RSU1: variants seen among roughly 807,000 people sequenced by gnomAD.
The protein encoded by RSU1 is rsu-1.
A neutral mutation model predicts 31.1 loss-of-function variants in RSU1; 26 were observed. That is an observed-to-expected ratio of 0.84 (90% CI 0.61 to 1.16). RSU1 has a LOEUF of 1.16. Ranked by LOEUF, RSU1 falls within the 50% of genes most tolerant of loss-of-function variation. The pLI, the probability that RSU1 is intolerant of heterozygous loss-of-function variation, is 0.00. For synonymous variants in RSU1, 164 were observed against 136.3 expected (o/e 1.20, Z -1.41); for missense variants, 320 against 339.1 (o/e 0.94, Z 0.44).
intron 8 of RSU1, among the ~76,000 whole-genome samples, chr10:16,595,136 T>C (rs1382873145): frequency 6.6e-6 from 1 of 152,104 alleles, no homozygotes; most frequent in African/African-American, 2.4e-5. Context: ...AGGCTGGTGT[T>C]ACACTCCTGG....
chr10:16,711,489 T>TA (rs1836018575), intron 7 of RSU1, among the ~76,000 whole-genome samples: 1 of 152,312 alleles, frequency 6.6e-6, no homozygotes, highest in East Asian at 1.9e-4. Flanking sequence ...GGTTGTTCAT[T>TA]AAAAATCTCT....
chr10:16,756,757 TTGTGTTGCTCCCGCAACCCA>T (rs1406758739), intron 4 of RSU1, among the ~76,000 whole-genome samples: 1 of 152,214 alleles, frequency 6.6e-6, no homozygotes. Context: ...GCATGAGTCA[TTGTGTTGCTCCCGCAACCCA>T]TGTGTTGCTC....
At chr10:16,771,977 G>A (rs1188454221) in intron 3 of RSU1, among the ~76,000 whole-genome samples, 6 of 152,150 alleles carry the variant, frequency 3.9e-5, no homozygotes, top group Non-Finnish European at 7.4e-5. Context: ...TGTACTTTTG[G>A]TTAATAAACA....
intron 7 of RSU1, among the ~76,000 whole-genome samples, chr10:16,738,754 C>T (rs1245451356): frequency 2.0e-5 from 3 of 152,128 alleles, no homozygotes; most frequent in East Asian, 1.9e-4. Context: ...AGGTTTGTTA[C>T]GTACATATAC....
At chr10:16,801,347 T>A (rs1293803409) in intron 2 of RSU1, among the ~76,000 whole-genome samples, 1 of 152,124 alleles carries the variant, frequency 6.6e-6, no homozygotes, top group Non-Finnish European at 1.5e-5. Context: ...GACACAGCAA[T>A]CCTTAATGTG....
At chr10:16,695,521 C>G (rs1383217623) in intron 7 of RSU1, among the ~76,000 whole-genome samples, 1 of 152,114 alleles carries the variant, frequency 6.6e-6, no homozygotes, top group Non-Finnish European at 1.5e-5. Flanking sequence ...ATGCCTTGTC[C>G]TGGCTGATCT....
chr10:16,761,417 C>T (rs71493268), intron 4 of RSU1, among the ~76,000 whole-genome samples: 6,325 of 152,242 alleles, frequency 0.042, 193 homozygotes, highest in Non-Finnish European at 0.06. Context: ...TTGGTAAATC[C>T]TCATTCACTG....
chr10:16,789,079 C>T (rs1837858737), intron 2 of RSU1, among the ~76,000 whole-genome samples: 1 of 152,202 alleles, frequency 6.6e-6, no homozygotes, highest in South Asian at 2.1e-4. Flanking sequence ...CAAAAAAGTG[C>T]AAAGTTCACA....
chr10:16,673,281 T>A (rs568779305), intron 8 of RSU1, among the ~76,000 whole-genome samples: 57 of 152,326 alleles, frequency 3.7e-4, no homozygotes, highest in Middle Eastern at 3.4e-3. Context: ...CTGTTTCTCT[T>A]TTGTATAGCA....
intron 8 of RSU1, among the ~76,000 whole-genome samples, chr10:16,634,186 A>G (rs1362705664): frequency 2.0e-5 from 3 of 152,154 alleles, no homozygotes; most frequent in Non-Finnish European, 4.4e-5. Context: ...ACATTTACAG[A>G]CCAGAGCTAG....
intron 8 of RSU1, among the ~76,000 whole-genome samples, chr10:16,643,037 T>C (rs985896405): frequency 1.3e-5 from 2 of 152,226 alleles, no homozygotes; most frequent in East Asian, 1.9e-4. Context: ...AAAAAATTAA[T>C]ATTTTCATAA....
At chr10:16,713,162 G>A (rs1836057976) in intron 7 of RSU1, among the ~76,000 whole-genome samples, 1 of 152,172 alleles carries the variant, frequency 6.6e-6, no homozygotes, top group Non-Finnish European at 1.5e-5. Context: ...ACTTTTGAGA[G>A]TATGATTATA....
At chr10:16,737,576 G>T (rs977943046) in intron 7 of RSU1, among the ~76,000 whole-genome samples, 2 of 151,586 alleles carry the variant, frequency 1.3e-5, no homozygotes, top group Non-Finnish European at 2.9e-5. Flanking sequence ...TGACCAAAAA[G>T]AACTGTACTA....
chr10:16,786,620 G>C (rs956510938), intron 2 of RSU1, among the ~76,000 whole-genome samples: 1 of 151,972 alleles, frequency 6.6e-6, no homozygotes, highest in African/African-American at 2.4e-5. Context: ...CCTAACACCT[G>C]TACTGATTTC....
At chr10:16,746,923 C>G (rs1388290180) in intron 7 of RSU1, among the ~76,000 whole-genome samples, 4 of 152,092 alleles carry the variant, frequency 2.6e-5, no homozygotes, top group Non-Finnish European at 5.9e-5. Context: ...CAGGCAGGCT[C>G]CGGAGGATAT....
chr10:16,744,106 G>T (rs973658872), intron 7 of RSU1, among the ~76,000 whole-genome samples: 2 of 151,058 alleles, frequency 1.3e-5, no homozygotes, highest in African/African-American at 4.9e-5. Flanking sequence ...AGCCAGTCTG[G>T]GTGACACAGA....
At chr10:16,678,701 G>C (rs1302001395) in intron 8 of RSU1, among the ~76,000 whole-genome samples, 1 of 151,996 alleles carries the variant, frequency 6.6e-6, no homozygotes, top group Non-Finnish European at 1.5e-5. Context: ...GTGAAAATAG[G>C]ACATTCAATA....
chr10:16,729,019 A>G (rs1259186139), intron 7 of RSU1, among the ~76,000 whole-genome samples: 2 of 152,228 alleles, frequency 1.3e-5, no homozygotes, highest in African/African-American at 4.8e-5. Context: ...GTTTGTGCTC[A>G]TTGTTTATAG....
intron 4 of RSU1, among the ~76,000 whole-genome samples, chr10:16,761,906 C>T (rs183831353): frequency 3.0e-4 from 45 of 152,150 alleles, no homozygotes; most frequent in African/African-American, 1.0e-3. Flanking sequence ...GAGATGCCTT[C>T]CTTCAACTTG....
Sources: allele counts gnomAD v4.1 joint callset (sites outside exome capture counted in the v4.1 genomes callset), GRCh38; gene constraint gnomAD v4.1.1; transcripts MANE v1.5; gene names NCBI Gene and HGNC (gene_info 2026-07-23, HGNC 2026-07-21).